GRM7: variants seen among roughly 807,000 people sequenced by gnomAD.
GRM7 encodes glutamate metabotropic receptor 7.
GRM7 carries 35 observed loss-of-function variants against 84.5 expected under a neutral mutation model. The ratio of observed to expected loss-of-function variants is 0.41; its 90% CI spans 0.32 to 0.55. GRM7 has a LOEUF of 0.55. GRM7 is among the 20% of genes least tolerant of loss of function. The probability of loss-of-function intolerance (pLI) is 0.19; values close to 1 mark genes in which losing one functional copy is unlikely to be tolerated. For missense variants in GRM7, 1,003 were observed against 1,194.6 expected, an observed-to-expected ratio of 0.84 and a Z score of 2.36; for synonymous variants, 487 against 455.1, an observed-to-expected ratio of 1.07 and a Z score of -0.89.
In GRM7 at chr3:7,063,397, A is replaced by T. The variant is rs531076683; in HGVS notation, c.520-83055A>T. Among the ~76,000 whole-genome samples the T allele has an allele frequency of 4.6e-5, 7 of 151,876 alleles. 1 individual carries two copies. In the South Asian group the frequency reaches 1.2e-3, roughly 27 times the overall value. The stretch of plus-strand genomic sequence containing the variant: ...AGTTATTGGACCATGAAGACTAAGC[A>T]GGTGAAGCTGGGGTTAGAGAGAGGA... On this transcript the variant is annotated intron_variant, in intron 1 of 9. Coordinates refer to ENST00000357716, the MANE Select transcript of GRM7 (RefSeq NM_000844.4).
intron 1 of GRM7, among the ~76,000 whole-genome samples, chr3:7,077,484 AC>A (rs34683332): frequency 0.042 from 5,728 of 136,820 alleles, 203 homozygotes; most frequent in East Asian, 0.1. Context: ...AGAAAACCAA[AC>A]CCCTCATGTT....
intron 4 of GRM7, among the ~76,000 whole-genome samples, chr3:7,395,350 C>G (rs1499204): frequency 0.3 from 46,351 of 151,974 alleles, 8,713 homozygotes; most frequent in Non-Finnish European, 0.43. Context: ...GGCATTTTTT[C>G]TCATAATAAA....
intron 5 of GRM7, among the ~76,000 whole-genome samples, chr3:7,427,242 T>C (rs926591964): frequency 6.6e-6 from 1 of 152,218 alleles, no homozygotes; most frequent in Non-Finnish European, 1.5e-5. Flanking sequence ...TTCTTTAAAA[T>C]GAATTGACAG....
chr3:7,211,333 A>G (rs180751632), intron 2 of GRM7, among the ~76,000 whole-genome samples: 1 of 152,318 alleles, frequency 6.6e-6, no homozygotes, highest in East Asian at 1.9e-4. Flanking sequence ...TTCAAATCAG[A>G]TTTCTTACAG....
chr3:7,591,574 G>C, intron 8 of GRM7: 2 of 387,710 alleles, frequency 5.2e-6, no homozygotes, highest in Non-Finnish European at 1.0e-5. Context: ...AAAGATAGAG[G>C]TACCAGAATG....
intron 7 of GRM7, among the ~76,000 whole-genome samples, chr3:7,539,066 A>G (rs1692717704): frequency 6.6e-6 from 1 of 152,182 alleles, no homozygotes; most frequent in Non-Finnish European, 1.5e-5. Flanking sequence ...TCTAAAATTA[A>G]CTTTCAGATG....
At chr3:7,560,697 C>T (rs1394957229) in intron 7 of GRM7, among the ~76,000 whole-genome samples, 2 of 152,118 alleles carry the variant, frequency 1.3e-5, no homozygotes, top group Non-Finnish European at 2.9e-5. Context: ...TCTTTGCATA[C>T]ATGCCGTGTT....
chr3:7,124,529 T>C (rs558844022), intron 1 of GRM7, among the ~76,000 whole-genome samples: 1 of 152,070 alleles, frequency 6.6e-6, no homozygotes, highest in Admixed American at 6.6e-5. Context: ...GTGGTGGGGA[T>C]GATTGAAAAC....
At position 7,467,118 on chromosome 3, in the gene GRM7, C is replaced by T. The variant is rs551470137; in HGVS notation, c.1515+5396C>T. 7.9e-5 allele frequency among the ~76,000 whole-genome samples: 12 copies of T among 152,196 alleles called. 1 individual carries two copies. The highest frequency in any genetic ancestry group is 3.9e-4 in the East Asian group (2 of 5,168). Reference sequence around the variant, plus strand: ...TCTTTCTTGTTTTTTGAGACGGAGTCGCTCTGTCGCCCGGGCTGGAGTGCA... The same window carrying T: ...TCTTTCTTGTTTTTTGAGACGGAGTTGCTCTGTCGCCCGGGCTGGAGTGCA... On this transcript the variant is annotated intron_variant, in intron 7 of 9. Transcript: ENST00000357716.
intron 1 of GRM7, among the ~76,000 whole-genome samples, chr3:6,913,583 T>C (rs1696845012): frequency 6.6e-6 from 1 of 152,196 alleles, no homozygotes; most frequent in Non-Finnish European, 1.5e-5. Flanking sequence ...TTTCCAGTAA[T>C]ACTGAATTTC....
chr3:7,572,868 AT>A lies in GRM7; in HGVS notation c.1516-5553del, dbSNP rs1694766466. On this transcript the variant is annotated intron_variant, in intron 7 of 9. Transcript: ENST00000357716. ...TATATATATATATATATATATATAT[AT>A]ATATATATATAAATAATCTTTCTAC... Among the ~76,000 whole-genome samples the A allele has an allele frequency of 6.2e-5, 5 of 80,660 alleles. 1 individual carries two copies. Among genetic ancestry groups the A allele is most frequent in the African/African-American group, 8.9e-5 (2 of 22,446 alleles). 52.9% of individuals were successfully genotyped at this position (80,660 alleles called of 152,430 possible).
intron 1 of GRM7, among the ~76,000 whole-genome samples, chr3:6,899,535 G>C (rs1013232872): frequency 2.0e-5 from 3 of 152,084 alleles, no homozygotes; most frequent in Non-Finnish European, 4.4e-5. Flanking sequence ...AAGGTGAAAA[G>C]TTTTCTCTGA....
chr3:7,065,325 CTTAAGT>C (rs1259316337), intron 1 of GRM7, among the ~76,000 whole-genome samples: 3 of 151,854 alleles, frequency 2.0e-5, no homozygotes, highest in African/African-American at 4.8e-5. Context: ...AGTTTCAGAT[CTTAAGT>C]TTAAGTCCTT....
At chr3:7,526,275 T>A (rs1700803943) in intron 7 of GRM7, among the ~76,000 whole-genome samples, 2 of 152,134 alleles carry the variant, frequency 1.3e-5, no homozygotes. Flanking sequence ...TTTTGATTAG[T>A]GTCTCTCTGC....
chr3:6,918,277 C>G (rs890468360), intron 1 of GRM7, among the ~76,000 whole-genome samples: 1 of 152,142 alleles, frequency 6.6e-6, no homozygotes. Flanking sequence ...AAAGCTTAAG[C>G]CTTCAGTTCA....
chr3:7,402,971 T>C (rs191253434), intron 4 of GRM7: 165 of 183,296 alleles, frequency 9.0e-4, no homozygotes, highest in Middle Eastern at 4.0e-3. Context: ...TGAATTGTTA[T>C]AGATGTTTGA....
chr3:7,313,959 C>A (rs577706174), intron 4 of GRM7, among the ~76,000 whole-genome samples: 1 of 150,706 alleles, frequency 6.6e-6, no homozygotes, highest in African/African-American at 2.4e-5. Context: ...AAACAAATAC[C>A]CTTTGTGTTG....
chr3:7,250,828 T>TTA (rs1271492015), intron 2 of GRM7, among the ~76,000 whole-genome samples: 1 of 152,108 alleles, frequency 6.6e-6, no homozygotes, highest in East Asian at 1.9e-4. Context: ...CAAGCCAATA[T>TTA]TATATATATT....
At chr3:7,152,232 C>T (rs185917717) in intron 2 of GRM7, among the ~76,000 whole-genome samples, 10 of 152,266 alleles carry the variant, frequency 6.6e-5, no homozygotes, top group African/African-American at 2.4e-4. Flanking sequence ...AGTATGTCCC[C>T]TTCCCCCATC....
Sources: gnomAD v4.1 joint callset for allele counts (sites outside exome capture counted in the v4.1 genomes callset) on GRCh38, gnomAD v4.1.1 for gene constraint, MANE v1.5 for transcripts, NCBI Gene and HGNC (gene_info 2026-07-23, HGNC 2026-07-21) for gene names.